TYW1: variants seen among roughly 807,000 people sequenced by gnomAD.
TYW1 encodes the protein S-adenosyl-L-methionine-dependent tRNA 4-demethylwyosine synthase TYW1.
A neutral mutation model predicts 96.2 loss-of-function variants in TYW1; 46 were observed. The observed-to-expected ratio is 0.48, with a 90% CI of 0.38 to 0.61. The LOEUF (loss-of-function observed/expected upper bound fraction) is 0.61. Ranked by LOEUF, TYW1 falls within the 20% of genes least tolerant of loss-of-function variation. TYW1 has a pLI of 0.00. For synonymous variants in TYW1, 274 were observed against 323.0 expected (o/e 0.85, Z 1.63); for missense variants, 684 against 909.6 (o/e 0.75, Z 3.19).
chr7:67,021,937 A>G (rs1197685060), intron 6 of TYW1, among the ~76,000 whole-genome samples: 1 of 152,226 alleles, frequency 6.6e-6, no homozygotes, highest in Non-Finnish European at 1.5e-5. Flanking sequence ...TTCTTTTGAG[A>G]CAGGGGCTGG....
intron 13 of TYW1, among the ~76,000 whole-genome samples, chr7:67,122,450 A>G (rs1797787473): frequency 6.6e-6 from 1 of 152,222 alleles, no homozygotes; most frequent in Non-Finnish European, 1.5e-5. Flanking sequence ...AGGTTATAAA[A>G]ATATTATGTG....
intron 3 of TYW1, among the ~76,000 whole-genome samples, chr7:67,007,555 G>A (rs993373561): frequency 3.9e-5 from 6 of 152,130 alleles, no homozygotes; most frequent in African/African-American, 1.4e-4. Context: ...ACGTGTTAAT[G>A]ATATTTGGAG....
chr7:67,091,209 A>G (rs1037329517), intron 11 of TYW1, among the ~76,000 whole-genome samples: 4 of 151,626 alleles, frequency 2.6e-5, no homozygotes, highest in African/African-American at 9.7e-5. Context: ...TGTGGCACAT[A>G]TACACCATGG....
intron 5 of TYW1, 116 bp downstream of exon 5, chr7:67,014,677 G>GA (rs1793954271): frequency 1.6e-6 from 2 of 1,245,438 alleles, no homozygotes; most frequent in African/African-American, 3.1e-5. Flanking sequence ...ACATGTATGT[G>GA]AAATAATCCA....
intron 3 of TYW1, among the ~76,000 whole-genome samples, chr7:67,005,941 G>A (rs1459445810): frequency 4.6e-5 from 7 of 151,844 alleles, no homozygotes; most frequent in African/African-American, 1.7e-4. Context: ...TGTTCCTGCC[G>A]CCTGGGATAA....
intron 7 of TYW1, among the ~76,000 whole-genome samples, chr7:67,029,382 C>CTTGTGTGT (rs1794569840): frequency 9.4e-6 from 1 of 106,768 alleles, no homozygotes; most frequent in South Asian, 2.9e-4. Flanking sequence ...TGTGTGTGTG[C>CTTGTGTGT]GTGTGTGTGT....
At chr7:67,197,360 C>G (rs527732979) in intron 15 of TYW1, among the ~76,000 whole-genome samples, 190 of 146,170 alleles carry the variant, frequency 1.3e-3, no homozygotes, top group Non-Finnish European at 1.5e-3. Flanking sequence ...GAGTCTTGCT[C>G]TGTTGCACAG....
chr7:67,002,425 A>C (rs898610545), intron 3 of TYW1, among the ~76,000 whole-genome samples: 1 of 152,066 alleles, frequency 6.6e-6, no homozygotes, highest in African/African-American at 2.4e-5. Flanking sequence ...TGATTGATTC[A>C]TATTTGGTCG....
chr7:67,110,148 G>A lies in TYW1; in HGVS notation c.1563-7335G>A, dbSNP rs941236800. Among the ~76,000 whole-genome samples, 19 of 152,148 alleles carry A rather than the reference G, an allele frequency of 1.2e-4. 1 individual carries two copies. Among genetic ancestry groups the A allele is most frequent in the South Asian group, 4.1e-4 (2 of 4,828 alleles). On this transcript the variant is annotated intron_variant, in intron 12 of 15. Coordinates refer to ENST00000359626, the MANE Select transcript of TYW1 (RefSeq NM_018264.4). Reference sequence around the variant, plus strand: ...GACGATTGTTTAGCTTCACAAAGCCGCCTCATGTGGCATTAACAGCTAGGG... The same window carrying A: ...GACGATTGTTTAGCTTCACAAAGCCACCTCATGTGGCATTAACAGCTAGGG...
intron 14 of TYW1, among the ~76,000 whole-genome samples, chr7:67,191,156 G>A (rs1584676567): frequency 6.6e-6 from 1 of 152,270 alleles, no homozygotes; most frequent in Non-Finnish European, 1.5e-5. Flanking sequence ...ACAGACGGAC[G>A]GACAGAGAGA....
chr7:67,224,420 C>G (rs565877792), intron 15 of TYW1, among the ~76,000 whole-genome samples: 71 of 152,244 alleles, frequency 4.7e-4, no homozygotes, highest in Non-Finnish European at 7.9e-4. Context: ...AGCCACCATG[C>G]CCGGCCAATA....
chr7:67,029,008 T>G (rs1363486072), intron 7 of TYW1, among the ~76,000 whole-genome samples: 4 of 152,068 alleles, frequency 2.6e-5, no homozygotes, highest in African/African-American at 9.7e-5. Context: ...TGGACTTTTT[T>G]TTTTTTTTGA....
chr7:67,195,032 A>G (rs1215934160), intron 14 of TYW1, 138 bp from the exon 15 acceptor site: 1 of 951,746 alleles, frequency 1.1e-6, no homozygotes, highest in South Asian at 1.9e-5. Context: ...TATCATCTCT[A>G]TATTCACTTC....
intron 12 of TYW1, among the ~76,000 whole-genome samples, chr7:67,109,750 G>T (rs1440624530): frequency 6.6e-6 from 1 of 152,006 alleles, no homozygotes; most frequent in African/African-American, 2.4e-5. Context: ...TGTGGTGGCG[G>T]GCACCTGTAA....
At chr7:67,224,024 G>A (rs9690104) in intron 15 of TYW1, among the ~76,000 whole-genome samples, 39,933 of 150,742 alleles carry the variant, frequency 0.26, 5,684 homozygotes, top group African/African-American at 0.36. Context: ...TACTTAGTTG[G>A]ATTCTGAAGT....
At chr7:67,084,802 A>G (rs1796497778) in intron 11 of TYW1, among the ~76,000 whole-genome samples, 1 of 152,160 alleles carries the variant, frequency 6.6e-6, no homozygotes, top group African/African-American at 2.4e-5. Flanking sequence ...GGTGTGAGCC[A>G]CCTGAGAATG....
intron 13 of TYW1, among the ~76,000 whole-genome samples, chr7:67,154,929 T>C (rs1798919877): frequency 6.6e-6 from 1 of 152,202 alleles, no homozygotes; most frequent in South Asian, 2.1e-4. Flanking sequence ...GTCTTCGAGT[T>C]CAGAAGTTCT....
At chr7:67,050,135 A>G in intron 8 of TYW1, 69 bp downstream of exon 8, 2 of 1,559,058 alleles carry the variant, frequency 1.3e-6, no homozygotes, top group Non-Finnish European at 1.8e-6. Context: ...ACCTGGAATG[A>G]AGTCTCTCTC....
chr7:67,004,347 G>A (rs1199671873), intron 3 of TYW1, among the ~76,000 whole-genome samples: 1 of 152,102 alleles, frequency 6.6e-6, no homozygotes, highest in Non-Finnish European at 1.5e-5. Flanking sequence ...ATGAATCCCT[G>A]GGGGAGGGGT....
Sources: gnomAD v4.1 joint callset for allele counts (sites outside exome capture counted in the v4.1 genomes callset) on GRCh38, gnomAD v4.1.1 for gene constraint, MANE v1.5 for transcripts, NCBI Gene and HGNC (gene_info 2026-07-23, HGNC 2026-07-21) for gene names.